The following VPS8 variants were observed in gnomAD, a reference collection of about 807,000 sequenced individuals.
VPS8 encodes VPS8 subunit of CORVET complex, also known as vacuolar protein sorting-associated protein 8 homolog.
VPS8 carries 129 observed loss-of-function variants against 216.4 expected under a neutral mutation model. That is an observed-to-expected ratio of 0.60 (90% confidence interval 0.52 to 0.69). VPS8 has a LOEUF of 0.69. VPS8 is among the 30% of genes least tolerant of loss of function. VPS8 has a pLI of 0.00. For missense variants in VPS8, 1,531 were observed against 1,683.5 expected (o/e 0.91, Z 1.59); for synonymous variants, 571 against 565.4 (o/e 1.01, Z -0.14).
intron 46 of VPS8, among the ~76,000 whole-genome samples, chr3:185,041,831 C>CAAA (rs1490189482): frequency 9.1e-4 from 138 of 152,334 alleles, no homozygotes; most frequent in African/African-American, 3.2e-3. Context: ...CTGCCTGGAC[C>CAAA]TCTGTCTCAA....
At chr3:184,843,352 G>A (rs1577850737) in intron 8 of VPS8, 107 bp downstream of exon 8, 2 of 744,738 alleles carry the variant, frequency 2.7e-6, no homozygotes, top group Admixed American at 4.0e-5. Context: ...AATGCTTATT[G>A]AAAAAAACCC....
In VPS8 at chr3:184,852,669, A is replaced by G. The variant is rs1724534688; in HGVS notation, c.821+102A>G. The G allele has an allele frequency of 5.4e-6, 6 of 1,103,686 alleles. No individual in the cohort carries two copies. In the South Asian group the frequency reaches 8.5e-5, roughly 16 times the overall value. The allele number at this position is 1,103,686 out of a possible 1,614,324, so 68.4% of individuals were successfully genotyped here. On this transcript the variant is annotated intron_variant, in intron 11 of 47. Transcript: ENST00000625842. ...GGACTAGAAAGCCCCTGTAATTGAG[A>G]GTAGATTATGACTGTGTATTACAAT... is the stretch of plus-strand genomic sequence containing the variant.
chr3:184,957,934 A>G (rs910360069), intron 37 of VPS8, among the ~76,000 whole-genome samples: 3 of 152,218 alleles, frequency 2.0e-5, no homozygotes, highest in Non-Finnish European at 4.4e-5. Context: ...CTCCGGGCCA[A>G]TAAGCAAGTG....
At position 184,849,938 on chromosome 3, in the gene VPS8, C is replaced by T. The variant is rs1215501816; in HGVS notation, c.669C>T (p.Ile223=). 5 of 1,611,358 alleles carry T rather than the reference C, an allele frequency of 3.1e-6. No homozygotes were observed. The African/African-American group carries it at 4.0e-5, about 13-fold the overall frequency. ...RLLCGFAKGQ[I]TMWDLASGKL... ...TGAAGCACTTAGTTGTCTTATAGAT[C>T]ACCATGTGGGATTTGGCCAGTGGAA... The change falls in exon 10 of 48, where the codon ATC becomes ATT. Residue 223 remains isoleucine (I), a splice_region_variant and synonymous_variant. Coordinates refer to ENST00000625842, the MANE Select transcript of VPS8 (RefSeq NM_001009921.3).
At chr3:184,910,584 G>A (rs1286069214) in intron 25 of VPS8, among the ~76,000 whole-genome samples, 2 of 152,178 alleles carry the variant, frequency 1.3e-5, no homozygotes, top group Non-Finnish European at 2.9e-5. Context: ...CTGCATGGTG[G>A]TTTAGTAAAT....
intron 26 of VPS8, among the ~76,000 whole-genome samples, chr3:184,913,850 T>C (rs1010793326): frequency 6.6e-6 from 1 of 152,196 alleles, no homozygotes; most frequent in African/African-American, 2.4e-5. Flanking sequence ...ATGCACAGAA[T>C]AGCACAACAA....
At chr3:184,945,444 G>C (rs148392213) in intron 36 of VPS8, among the ~76,000 whole-genome samples, 1,586 of 152,138 alleles carry the variant, frequency 0.01, 28 homozygotes, top group African/African-American at 0.035. Context: ...GCAGAAGCAG[G>C]TAATTATGTA....
At chr3:185,047,122 CT>C (rs369089608) in intron 46 of VPS8, among the ~76,000 whole-genome samples, 1 of 152,196 alleles carries the variant, frequency 6.6e-6, no homozygotes, top group African/African-American at 2.4e-5. Context: ...GTGCACGTTG[CT>C]CTGATGTCCC....
At chr3:184,960,009 C>T (rs1746241576) in intron 37 of VPS8, among the ~76,000 whole-genome samples, 1 of 151,608 alleles carries the variant, frequency 6.6e-6, no homozygotes, top group South Asian at 2.1e-4. Context: ...CCACAACAGA[C>T]CCCGGTGTGT....
chr3:184,843,753 A>G (rs7624642), intron 8 of VPS8, among the ~76,000 whole-genome samples: 11,405 of 152,218 alleles, frequency 0.075, 492 homozygotes, highest in Non-Finnish European at 0.093. Context: ...ATCTTTACCA[A>G]GTTTTTCTAA....
chr3:184,936,817 G>C (rs547474747), intron 35 of VPS8, among the ~76,000 whole-genome samples: 4 of 150,472 alleles, frequency 2.7e-5, no homozygotes, highest in Non-Finnish European at 5.9e-5. Context: ...CACTCATTGC[G>C]AGCTCCGCCT....
chr3:184,853,231 C>G (rs1340835922), intron 11 of VPS8, among the ~76,000 whole-genome samples: 6 of 152,204 alleles, frequency 3.9e-5, no homozygotes, highest in African/African-American at 1.4e-4. Context: ...AGTTTCTGCT[C>G]TAAGAGAACT....
At chr3:184,901,139 T>G in intron 25 of VPS8, 167 bp downstream of exon 25, 1 of 633,486 alleles carries the variant, frequency 1.6e-6, no homozygotes, top group Non-Finnish European at 2.7e-6. Context: ...CTTCTCACAC[T>G]AAAAAGTTTC....
At chr3:184,835,917 G>T (rs1008588736) in intron 5 of VPS8, among the ~76,000 whole-genome samples, 7 of 151,896 alleles carry the variant, frequency 4.6e-5, no homozygotes, top group African/African-American at 1.5e-4. Flanking sequence ...CAACGTGTTA[G>T]CCAGGATGGT....
intron 16 of VPS8, among the ~76,000 whole-genome samples, chr3:184,863,627 A>T (rs1372936202): frequency 1.3e-5 from 2 of 152,212 alleles, no homozygotes; most frequent in Non-Finnish European, 2.9e-5. Context: ...TTATGGCCTT[A>T]GCATTAATTT....
At chr3:184,970,589 G>C (rs1748244592) in intron 39 of VPS8, among the ~76,000 whole-genome samples, 1 of 152,202 alleles carries the variant, frequency 6.6e-6, no homozygotes, top group Non-Finnish European at 1.5e-5. Flanking sequence ...TGCCTGACTA[G>C]TAATCAGCGA....
At position 184,971,154 on chromosome 3, in the gene VPS8, T is replaced by C. The variant is rs140310241; in HGVS notation, c.3317-495T>C. 1.3e-4 allele frequency among the ~76,000 whole-genome samples: 20 copies of C among 152,320 alleles called. No individual in the cohort carries two copies. The East Asian group carries it at 2.7e-3, about 21-fold the overall frequency. On this transcript the variant is annotated intron_variant, in intron 39 of 47. Transcript: ENST00000625842. ...CTTAGGTTCATTAGAAAATTCAACC[T>C]GTAGATTTTGAATGGAATAAAGATT...
intron 21 of VPS8, among the ~76,000 whole-genome samples, chr3:184,874,637 TAGTATG>T (rs1728925371): frequency 6.6e-6 from 1 of 152,200 alleles, no homozygotes; most frequent in African/African-American, 2.4e-5. Context: ...ACCATAAACT[TAGTATG>T]AGCCAATTGT....
chr3:184,967,841 CAAAA>C (rs11326717), intron 39 of VPS8, among the ~76,000 whole-genome samples: 2 of 133,704 alleles, frequency 1.5e-5, no homozygotes, highest in Non-Finnish European at 1.6e-5. Context: ...AACTCCATCT[CAAAA>C]AAAAAAAAAA....
Sources: allele counts gnomAD v4.1 joint callset (sites outside exome capture counted in the v4.1 genomes callset), GRCh38; gene constraint gnomAD v4.1.1; transcripts MANE v1.5; gene names NCBI Gene and HGNC (gene_info 2026-07-23, HGNC 2026-07-21).